Variants in RNF216 observed in about 807,000 individuals in gnomAD.
RNF216 encodes the protein ring finger protein 216, also known as E3 ubiquitin-protein ligase RNF216.
RNF216 carries 72 observed loss-of-function variants against 110.8 expected under a neutral mutation model. That is an observed-to-expected ratio of 0.65 (90% CI 0.54 to 0.79). The LOEUF (loss-of-function observed/expected upper bound fraction) is 0.79, where lower values mean the gene tolerates loss of function less well. Among genes scored for constraint, RNF216 ranks in the 30% least tolerant of loss-of-function variants. The pLI, the probability that RNF216 is intolerant of heterozygous loss-of-function variation, is 0.00. For missense variants in RNF216, 1,342 were observed against 1,141.2 expected, an observed-to-expected ratio of 1.18 and a Z score of -2.54; for synonymous variants, 495 against 407.5, an observed-to-expected ratio of 1.21 and a Z score of -2.59.
rs1012568298 is a variant in RNF216 at position 5,641,162 on chromosome 7, C to G, written c.2374G>C (p.Asp792His). Residue 792 changes from aspartate (D) to histidine (H), a missense_variant, in exon 15 of 17, where the codon GAT (aspartate) becomes CAT (histidine). Physicochemically the swap from Asp to His is moderately conservative, Grantham distance 81. Transcript: ENST00000389902. ...GCCATGTGTCTACTTACAGTGGGAT[C>G]GGTCCAGAGAGAGCATCTTGAACAC... ...QECSRCSLWTDPTEDDEKLIE... is the reference protein window; with the variant it reads ...QECSRCSLWTHPTEDDEKLIE... 1.2e-6 allele frequency: 2 copies of G among 1,611,828 alleles called. No individual in the cohort carries two copies. Among genetic ancestry groups the G allele is most frequent in the Non-Finnish European group, 1.7e-6 (2 of 1,178,282 alleles).
At position 5,741,775 on chromosome 7, in the gene RNF216, G is replaced by A. The variant is rs768940013; in HGVS notation, c.242C>T (p.Pro81Leu). 1.2e-6 allele frequency: 2 copies of A among 1,613,970 alleles called. No individual in the cohort carries two copies. Among genetic ancestry groups the A allele is most frequent in the South Asian group, 1.1e-5 (1 of 91,032 alleles). Residue 81 changes from proline (P) to leucine (L), a missense_variant, in exon 4 of 17, where the codon CCA (proline) becomes CTA (leucine). Pro to Leu is a moderately conservative substitution (Grantham distance 98). Coordinates refer to ENST00000389902, the MANE Select transcript of RNF216 (RefSeq NM_207111.4). ...TTTCAGATCTTGCCACTGGGCAGCT[G>A]GTTTGATGAGATTGGGTCGTGATCT... ...PQRSRPNLIKPAAQWQDLKRL... is the reference protein window; with the variant it reads ...PQRSRPNLIKLAAQWQDLKRL...
chr7:5,705,556 T>G (rs1230986028), intron 13 of RNF216, among the ~76,000 whole-genome samples: 3 of 152,160 alleles, frequency 2.0e-5, no homozygotes, highest in Non-Finnish European at 2.9e-5. Flanking sequence ...GACTTTGTTC[T>G]CACTCATGCT....
chr7:5,640,809 T>C (rs1787690327), intron 15 of RNF216, among the ~76,000 whole-genome samples: 1 of 152,252 alleles, frequency 6.6e-6, no homozygotes, highest in South Asian at 2.1e-4. Context: ...TTTTCTTTGT[T>C]AGGGCTATCT....
At chr7:5,753,282 A>AAAGTGAAATAATGGTCTT (rs1278246403) in intron 2 of RNF216, among the ~76,000 whole-genome samples, 10 of 152,204 alleles carry the variant, frequency 6.6e-5, no homozygotes, top group Non-Finnish European at 1.5e-4. Context: ...CAATTTCTTT[A>AAAGTGAAATAATGGTCTT]AAGTGAAATA....
chr7:5,658,341 C>G (rs1323387247), intron 13 of RNF216, among the ~76,000 whole-genome samples: 2 of 152,108 alleles, frequency 1.3e-5, no homozygotes, highest in Non-Finnish European at 2.9e-5. Context: ...TTAATAAGCA[C>G]AAAGTTTTCA....
intron 3 of RNF216, among the ~76,000 whole-genome samples, chr7:5,747,090 T>TCA (rs971327797): frequency 1.3e-5 from 2 of 152,222 alleles, no homozygotes; most frequent in South Asian, 2.1e-4. Flanking sequence ...TCCTGAATAT[T>TCA]CACAGTCTAC....
chr7:5,746,390 T>TTA (rs1356487118), intron 3 of RNF216, among the ~76,000 whole-genome samples: 2 of 152,176 alleles, frequency 1.3e-5, no homozygotes, highest in African/African-American at 4.8e-5. Context: ...GCCCCCAAGA[T>TTA]TATGGCCAGA....
At chr7:5,655,067 T>C (rs1315871552) in intron 13 of RNF216, among the ~76,000 whole-genome samples, 1 of 152,230 alleles carries the variant, frequency 6.6e-6, no homozygotes. Flanking sequence ...TTAGATACTT[T>C]TTAGCATTCC....
intron 1 of RNF216, among the ~76,000 whole-genome samples, chr7:5,769,939 A>G (rs533639403): frequency 1.4e-5 from 2 of 142,316 alleles, no homozygotes; most frequent in East Asian, 4.1e-4. Flanking sequence ...AGACAGAGGA[A>G]TCACTTGAAC....
At chr7:5,719,767 A>G (rs922240306) in intron 9 of RNF216, among the ~76,000 whole-genome samples, 1 of 152,236 alleles carries the variant, frequency 6.6e-6, no homozygotes, top group African/African-American at 2.4e-5. Context: ...TGCCTGCCAA[A>G]TACCTATTTT....
At chr7:5,710,457 G>A (rs568841322) in intron 13 of RNF216, among the ~76,000 whole-genome samples, 9 of 151,956 alleles carry the variant, frequency 5.9e-5, no homozygotes, top group South Asian at 4.2e-4. Flanking sequence ...CACTTTCACT[G>A]GCAGACCTTC....
chr7:5,641,742 T>C (rs1475861241), intron 14 of RNF216, among the ~76,000 whole-genome samples: 2 of 152,220 alleles, frequency 1.3e-5, no homozygotes, highest in Admixed American at 1.3e-4. Context: ...AGGCTTAAAA[T>C]GGAGAGAACA....
At chr7:5,657,870 G>T (rs141249582) in intron 13 of RNF216, among the ~76,000 whole-genome samples, 1 of 152,212 alleles carries the variant, frequency 6.6e-6, no homozygotes, top group Non-Finnish European at 1.5e-5. Flanking sequence ...GGTAGATTCA[G>T]TGAACTTTCT....
intron 14 of RNF216, 65 bp from the exon 15 acceptor site, chr7:5,641,441 A>G: frequency 8.0e-7 from 1 of 1,255,250 alleles, no homozygotes; most frequent in South Asian, 1.3e-5. Context: ...TATGGCCATT[A>G]AGCATTTATT....
intron 14 of RNF216, chr7:5,649,780 T>G (rs544889446): frequency 6.6e-6 from 1 of 152,260 alleles, no homozygotes; most frequent in African/African-American, 2.4e-5. Context: ...TGTATTACTT[T>G]AAGCCTCAAC....
chr7:5,655,280 G>C (rs1395396845), intron 13 of RNF216, among the ~76,000 whole-genome samples: 3 of 152,154 alleles, frequency 2.0e-5, no homozygotes, highest in African/African-American at 7.2e-5. Context: ...TTTTCAGCCA[G>C]GGCGCTTCTT....
At chr7:5,715,784 C>T (rs558420412) in intron 10 of RNF216, among the ~76,000 whole-genome samples, 3 of 144,766 alleles carry the variant, frequency 2.1e-5, no homozygotes, top group South Asian at 2.2e-4. Context: ...CTCTGTTGCC[C>T]GAACTGGAGT....
intron 15 of RNF216, among the ~76,000 whole-genome samples, chr7:5,636,643 T>A (rs1418249322): frequency 6.6e-6 from 1 of 152,180 alleles, no homozygotes; most frequent in Non-Finnish European, 1.5e-5. Flanking sequence ...TGGGTTGGAA[T>A]TCGATCGGTC....
At chr7:5,761,193 C>T (rs1562470607) in intron 1 of RNF216, 55 bp from the exon 2 acceptor site, 2 of 574,606 alleles carry the variant, frequency 3.5e-6, no homozygotes, top group Non-Finnish European at 6.0e-6. Flanking sequence ...AAACTCTTGC[C>T]ATGTATCTGG....
Sources: allele counts gnomAD v4.1 joint callset (sites outside exome capture counted in the v4.1 genomes callset), GRCh38; gene constraint gnomAD v4.1.1; transcripts MANE v1.5; gene names NCBI Gene and HGNC (gene_info 2026-07-23, HGNC 2026-07-21).